Variants in KRT12 observed in about 807,000 individuals in gnomAD.
KRT12 encodes keratin 12.
In KRT12, 43 loss-of-function variants were observed where a neutral mutation model predicts 50.2. The observed-to-expected ratio is 0.86, with a 90% CI of 0.67 to 1.11. The LOEUF (loss-of-function observed/expected upper bound fraction) is 1.11. KRT12 is among the 50% of genes least tolerant of loss of function. The pLI is 0.00. For synonymous variants in KRT12, 257 were observed against 253.6 expected, an observed-to-expected ratio of 1.01 and a Z score of -0.13; for missense variants, 588 against 625.6, an observed-to-expected ratio of 0.94 and a Z score of 0.64.
rs764330228 is a variant in KRT12 at position 40,866,902 on chromosome 17, T to C, written c.285A>G (p.Gly95=). The C allele has an allele frequency of 1.9e-6, 3 of 1,613,518 alleles. No homozygotes were observed. The highest frequency in any genetic ancestry group is 2.5e-6 in the Non-Finnish European group (3 of 1,179,912). ...TGCCCCCAAATCCCATCCCCAGCCC[T>C]CCAAAGCTACCTCCACCCAGGGCTC... ...YGRALGGGSF[G]GLGMGFGGSP... is the part of the protein sequence containing the mutation. Residue 95 remains glycine, a synonymous_variant, in exon 1 of 8, where the codon GGA becomes GGG. Coordinates refer to ENST00000251643, the MANE Select transcript of KRT12 (RefSeq NM_000223.4).
At chr17:40,864,011 A>T (rs912761065) in intron 3 of KRT12, 147 bp from the exon 4 acceptor site, 1 of 575,216 alleles carries the variant, frequency 1.7e-6, no homozygotes, top group Non-Finnish European at 3.0e-6. Flanking sequence ...CTATCTTATG[A>T]CTGTTGGTAT....
Position 40,866,509 on chromosome 17 carries a change from A to G in KRT12, c.567+111T>C. 4.1e-6 allele frequency: 4 copies of G among 969,918 alleles called. No individual in the cohort carries two copies. In the South Asian group the frequency reaches 5.7e-5, roughly 14 times the overall value. 60.1% of individuals were successfully genotyped at this position (969,918 alleles called of 1,614,324 possible). ...AACCTGGGATGAGAAAATTGCTGCA[A>G]GTACAGCTAAATTGGAAAATATCAA... is the stretch of plus-strand genomic sequence containing the variant. On this transcript the variant is annotated intron_variant, in intron 1 of 7. Transcript: ENST00000251643.
intron 2 of KRT12, among the ~76,000 whole-genome samples, chr17:40,865,294 A>G (rs1906977001): frequency 6.6e-6 from 1 of 152,186 alleles, no homozygotes; most frequent in South Asian, 2.1e-4. Flanking sequence ...TCTAAGTGGA[A>G]TTTCTAAAAG....
rs1161224382 is a variant in KRT12, at chr17:40,866,825, A to G, written c.362T>C (p.Leu121Pro). The G allele has an allele frequency of 2.5e-6, 4 of 1,614,090 alleles. No individual in the cohort carries two copies. Among genetic ancestry groups the G allele is most frequent in the Admixed American group, 1.7e-5 (1 of 60,006 alleles). The change falls in exon 1 of 8, where the codon CTT becomes CCT. Residue 121 changes from leucine (L) to proline (P), a missense_variant. Leu to Pro is a moderately conservative substitution (Grantham distance 98). Coordinates refer to ENST00000251643, the MANE Select transcript of KRT12 (RefSeq NM_000223.4). Reference sequence around the variant, plus strand: ...CATAGTTTCTTTTTCTGATCCAGAAAGAAGGCCTCCATCATTGCCCGAGAG... The same window carrying G: ...CATAGTTTCTTTTTCTGATCCAGAAGGAAGGCCTCCATCATTGCCCGAGAG... ...GILSGNDGGL[L>P]SGSEKETMQN... is the part of the protein sequence containing the mutation.
At position 40,861,474 on chromosome 17, in the gene KRT12, A is replaced by G. The variant is rs1428226121; in HGVS notation, c.*187T>C. The G allele has an allele frequency of 8.2e-6, 5 of 612,296 alleles. No homozygotes were observed. Among genetic ancestry groups the G allele is most frequent in the East Asian group, 2.8e-5 (1 of 36,134 alleles). The allele number at this position is 612,296 out of a possible 1,614,324, so 37.9% of individuals were successfully genotyped here. ...TGTTACAAAGACCAACATGACCAAAATGACTTGTGACTGAATATTGTTTCA... is the reference window on the plus strand; with the variant it reads ...TGTTACAAAGACCAACATGACCAAAGTGACTTGTGACTGAATATTGTTTCA... On this transcript the variant is annotated 3_prime_UTR_variant, in exon 8 of 8. Coordinates refer to ENST00000251643, the MANE Select transcript of KRT12 (RefSeq NM_000223.4).
Position 40,863,233 on chromosome 17 carries a change from G to T in KRT12, c.1206C>A (p.Arg402=). ...SNLEAQLLQV[R]ADAERQNVDH... ...CCACGTTCTGGCGCTCTGCGTCCGC[G>T]CGCACCTGGAGCAGCTGTGCCTCCA... The change falls in exon 6 of 8, where the codon CGC becomes CGA. Residue 402 remains arginine, a synonymous_variant. Coordinates refer to ENST00000251643, the MANE Select transcript of KRT12 (RefSeq NM_000223.4). This position sits in a 1 kb window ranked among gnomAD's most constrained non-coding sequence, Gnocchi z 4.2. 1 of 1,613,964 alleles carries T rather than the reference G, an allele frequency of 6.2e-7. No individual in the cohort carries two copies. The highest frequency in any genetic ancestry group is 1.1e-5 in the South Asian group (1 of 91,072).
Position 40,861,678 on chromosome 17 carries a change from T to C in KRT12, c.1468A>G (p.Ile490Val). ...GTGAAATTTTACATTAGTTCTTCAATTTCCTGAACTTGAGATGAGACCACC... is the reference window on the plus strand; with the variant it reads ...GTGAAATTTTACATTAGTTCTTCAACTTCCTGAACTTGAGATGAGACCACC... The part of the protein sequence containing the change: ...GEVVSSQVQE[I>V]EELM Residue 490 changes from isoleucine (I) to valine (V), a missense_variant, in exon 8 of 8, where the codon ATT (isoleucine) becomes GTT (valine). Coordinates refer to ENST00000251643, the MANE Select transcript of KRT12 (RefSeq NM_000223.4). The C allele has an allele frequency of 6.2e-7, 1 of 1,609,086 alleles. No individual in the cohort carries two copies. The highest frequency in any genetic ancestry group is 8.5e-7 in the Non-Finnish European group (1 of 1,175,434).
At chr17:40,864,619 A>G (rs766124634) in intron 3 of KRT12, among the ~76,000 whole-genome samples, 187 bp downstream of exon 3, 30 of 152,084 alleles carry the variant, frequency 2.0e-4, no homozygotes, top group Admixed American at 3.9e-4. Flanking sequence ...TACTACCAAC[A>G]CACACACATC....
Position 40,863,316 on chromosome 17 carries a change from C to A in KRT12, c.1123G>T (p.Glu375Ter), listed in dbSNP as rs1906875896. Residue 375 changes from glutamate (E) to a stop codon, truncating the protein, a stop_gained, in exon 6 of 8, where the codon GAA (glutamate) becomes TAA (stop). Coordinates refer to ENST00000251643, the MANE Select transcript of KRT12 (RefSeq NM_000223.4). LOFTEE classifies it high-confidence loss of function. The surrounding 1 kb of genome is among the most constrained non-coding windows in gnomAD (Gnocchi z 4.2). ...TGCGCGCAGTAATCGCCCTCGGCTT[C>A]GGCCAAGGAGTCCTCCAGGGATTTC... ...MKKSLEDSLA[E>*]AEGDYCAQLS... is the part of the protein sequence containing the mutation. 6.2e-7 allele frequency: 1 copy of A among 1,613,706 alleles called. No homozygotes were observed.
At chr17:40,865,933 T>C (rs1567741915) in intron 2 of KRT12, among the ~76,000 whole-genome samples, 3 of 152,236 alleles carry the variant, frequency 2.0e-5, no homozygotes, top group African/African-American at 7.2e-5. Flanking sequence ...ACTACAAATA[T>C]CGTGATCCAT....
At chr17:40,865,209 C>T (rs1906974315) in intron 2 of KRT12, among the ~76,000 whole-genome samples, 1 of 152,204 alleles carries the variant, frequency 6.6e-6, no homozygotes, top group African/African-American at 2.4e-5. Context: ...AGCGATGAAT[C>T]CCAATACCAC....
rs1364144507 is a variant in KRT12, at chr17:40,866,607, A to G, written c.567+13T>C. 1 of 1,612,020 alleles carries G rather than the reference A, an allele frequency of 6.2e-7. No homozygotes were observed. Among genetic ancestry groups the G allele is most frequent in the Admixed American group, 1.7e-5 (1 of 59,966 alleles). ...AAAAAAAATTCCCAAAGCGCCTCCA[A>G]AAGAGATCTTACCTTATTCCTGAGG... On this transcript the variant is annotated intron_variant, in intron 1 of 7. Coordinates refer to ENST00000251643, the MANE Select transcript of KRT12 (RefSeq NM_000223.4).
In KRT12 at chr17:40,862,201, C is replaced by T. The variant is rs1038258370; in HGVS notation, c.1387+364G>A. Among the ~76,000 whole-genome samples the T allele has an allele frequency of 7.9e-5, 12 of 152,024 alleles. 3 individuals are homozygous for T. Among genetic ancestry groups the T allele is most frequent in the Admixed American group, 7.9e-4 (12 of 15,248 alleles). On this transcript the variant is annotated intron_variant, in intron 7 of 7. Coordinates refer to ENST00000251643, the MANE Select transcript of KRT12 (RefSeq NM_000223.4). ...CTCCTGCCTCAGCCTCCAGAGTAGCCGAGATCACAGGTATACACCACCACA... is the reference window on the plus strand; with the variant it reads ...CTCCTGCCTCAGCCTCCAGAGTAGCTGAGATCACAGGTATACACCACCACA...
In KRT12 at chr17:40,863,815, A is replaced by C; in HGVS notation, c.857T>G (p.Met286Arg). 6.2e-7 allele frequency: 1 copy of C among 1,611,792 alleles called. No individual in the cohort carries two copies. The highest frequency in any genetic ancestry group is 1.1e-5 in the South Asian group (1 of 91,000). The change falls in exon 4 of 8, where the codon ATG (methionine) becomes AGG (arginine). Residue 286 changes from methionine (M) to arginine (R), a missense_variant. Physicochemically the swap from Met to Arg is moderately conservative, Grantham distance 91. Coordinates refer to ENST00000251643, the MANE Select transcript of KRT12 (RefSeq NM_000223.4). This position sits in a 1 kb window ranked among gnomAD's most constrained non-coding sequence, Gnocchi z 4.2. ...GAGGTCCACTCCGGGGGCAGCGTCC[A>C]TTTCTACGCTGACCTCGCCTGGGCC... ...VGGPGEVSVE[M>R]DAAPGVDLTR...
At position 40,861,467 on chromosome 17, in the gene KRT12, G is replaced by T; in HGVS notation, c.*194C>A. The T allele has an allele frequency of 3.3e-6, 2 of 607,342 alleles. No individual in the cohort carries two copies. Among genetic ancestry groups the T allele is most frequent in the Non-Finnish European group, 5.9e-6 (2 of 339,520 alleles). The allele number at this position is 607,342 out of a possible 1,614,324, so 37.6% of individuals were successfully genotyped here. On this transcript the variant is annotated 3_prime_UTR_variant, in exon 8 of 8. Coordinates refer to ENST00000251643, the MANE Select transcript of KRT12 (RefSeq NM_000223.4). ...TTTGATTTGTTACAAAGACCAACAT[G>T]ACCAAAATGACTTGTGACTGAATAT...
At chr17:40,862,519 A>G (rs369580763) in intron 7 of KRT12, 46 bp downstream of exon 7, 1,207 of 1,322,124 alleles carry the variant, frequency 9.1e-4, no homozygotes, top group Non-Finnish European at 1.2e-3. Context: ...TGCATTAATA[A>G]ATGTGATTCC....
rs142915764 is a variant in KRT12 at position 40,863,847 on chromosome 17, C to A, written c.825G>T (p.Arg275=). 6.2e-7 allele frequency: 1 copy of A among 1,606,332 alleles called. No individual in the cohort carries two copies. The highest frequency in any genetic ancestry group is 1.3e-5 in the African/African-American group (1 of 74,548). The change falls in exon 4 of 8, where the codon CGG becomes CGT. Residue 275 remains arginine (R), a synonymous_variant. Transcript: ENST00000251643. The surrounding 1 kb of genome is among the most constrained non-coding windows in gnomAD (Gnocchi z 4.2). The part of the protein sequence containing the change: ...KNHEDELQSF[R]VGGPGEVSVE... Reference sequence around the variant, plus strand: ...CGCTGACCTCGCCTGGGCCGCCCACCCGGAAGCTTTGGAGCTCCTGGGGAC... The same window carrying A: ...CGCTGACCTCGCCTGGGCCGCCCACACGGAAGCTTTGGAGCTCCTGGGGAC...
In KRT12 at chr17:40,866,245, AAG is replaced by A. The variant is rs752997645; in HGVS notation, c.568-10_568-9del. 8.4e-5 allele frequency: 136 copies of A among 1,611,678 alleles called. No homozygotes were observed. The highest frequency in any genetic ancestry group is 1.1e-4 in the Non-Finnish European group (129 of 1,177,962). On this transcript the variant is annotated splice_polypyrimidine_tract_variant and intron_variant, in intron 1 of 7. Transcript: ENST00000251643. ...AATGCTGGCTGAAATGATCTGGCAA[AAG>A]AGAGGGACACACACAAGATTGAAGC...
At chr17:40,865,081 A>C in intron 2 of KRT12, 119 bp from the exon 3 acceptor site, 1 of 1,074,278 alleles carries the variant, frequency 9.3e-7, no homozygotes, top group East Asian at 2.5e-5. Context: ...GCAGCATTGT[A>C]GTGTATGATG....
Sources: allele counts gnomAD v4.1 joint callset (sites outside exome capture counted in the v4.1 genomes callset), GRCh38; gene constraint gnomAD v4.1.1; non-coding constraint Gnocchi (gnomAD v3.1); transcripts MANE v1.5; gene names NCBI Gene and HGNC (gene_info 2026-07-23, HGNC 2026-07-21).